Variants in ATXN10 observed in about 807,000 individuals in gnomAD.
ATXN10 encodes the protein ataxin 10.
In ATXN10, 28 loss-of-function variants were observed where a neutral mutation model predicts 52.9. The observed-to-expected ratio is 0.53, with a 90% CI of 0.39 to 0.73. The LOEUF is 0.73. ATXN10 is among the 30% of genes least tolerant of loss of function. ATXN10 has a pLI of 0.00. For missense variants in ATXN10, 565 were observed against 577.0 expected (o/e 0.98, Z 0.21); for synonymous variants, 226 against 221.5 (o/e 1.02, Z -0.18).
At chr22:45,739,690 C>A (rs964831619) in intron 8 of ATXN10, among the ~76,000 whole-genome samples, 1 of 152,168 alleles carries the variant, frequency 6.6e-6, no homozygotes. Context: ...CTTTTCTGAG[C>A]CTGTTGTTTT....
chr22:45,805,534 T>G lies in ATXN10; in HGVS notation c.1174-1425T>G, dbSNP rs1447958916. On this transcript the variant is annotated intron_variant, in intron 9 of 11. Coordinates refer to ENST00000252934, the MANE Select transcript of ATXN10 (RefSeq NM_013236.4). This position sits in a 1 kb window ranked among gnomAD's most constrained non-coding sequence, Gnocchi z 4.4. ...CACGTTACTCAGCCGTGAAAAGAAATGAAGCGCTGACATGCCACAACATGG... is the reference window on the plus strand; with the variant it reads ...CACGTTACTCAGCCGTGAAAAGAAAGGAAGCGCTGACATGCCACAACATGG... Among the ~76,000 whole-genome samples the G allele has an allele frequency of 6.6e-6, 1 of 152,138 alleles. No homozygotes were observed. Among genetic ancestry groups the G allele is most frequent in the Non-Finnish European group, 1.5e-5 (1 of 68,024 alleles).
At position 45,770,190 on chromosome 22, in the gene ATXN10, CCAAA is replaced by C. The variant is rs772717968; in HGVS notation, c.1173+29656_1173+29659del. ...GGAACCAAAGTCAAAAGTAATTTGC[CCAAA>C]CAATTTACAGCAAATATGATTGAAA... On this transcript the variant is annotated intron_variant, in intron 9 of 11. Coordinates refer to ENST00000252934, the MANE Select transcript of ATXN10 (RefSeq NM_013236.4). The surrounding 1 kb of genome is among the most constrained non-coding windows in gnomAD (Gnocchi z 4.5). 3.1e-4 allele frequency among the ~76,000 whole-genome samples: 47 copies of C among 152,124 alleles called. No homozygotes were observed. Among genetic ancestry groups the C allele is most frequent in the Non-Finnish European group, 5.1e-4 (35 of 68,024 alleles).
rs572338494 is a variant in ATXN10, at chr22:45,696,125, G to A, written c.391+3047G>A. 1.7e-4 allele frequency among the ~76,000 whole-genome samples: 26 copies of A among 152,264 alleles called. 1 individual carries two copies. Among genetic ancestry groups the A allele is most frequent in the Non-Finnish European group, 3.5e-4 (24 of 68,026 alleles). ...AATAATCTCAAGAAATTGAAAGGATGTAGGATTTAGTTGTGAAATGTTTTT... is the reference window on the plus strand; with the variant it reads ...AATAATCTCAAGAAATTGAAAGGATATAGGATTTAGTTGTGAAATGTTTTT... On this transcript the variant is annotated intron_variant, in intron 3 of 11. Transcript: ENST00000252934. The surrounding 1 kb of genome is among the most constrained non-coding windows in gnomAD (Gnocchi z 4.7).
chr22:45,780,276 G>T lies in ATXN10; in HGVS notation c.1174-26683G>T, dbSNP rs545292616. ...TTTTTGTATTTTTAGTAGAGATAGG[G>T]TTTCACCATGGTGGCCAGGCTGGTC... is the stretch of plus-strand genomic sequence containing the variant. On this transcript the variant is annotated intron_variant, in intron 9 of 11. Coordinates refer to ENST00000252934, the MANE Select transcript of ATXN10 (RefSeq NM_013236.4). The surrounding 1 kb of genome is among the most constrained non-coding windows in gnomAD (Gnocchi z 4.0). 2.3e-4 allele frequency among the ~76,000 whole-genome samples: 35 copies of T among 152,256 alleles called. No homozygotes were observed. The highest frequency in any genetic ancestry group is 8.4e-4 in the African/African-American group (35 of 41,540).
At chr22:45,702,934 T>C in intron 5 of ATXN10, 87 bp downstream of exon 5, 1 of 1,505,026 alleles carries the variant, frequency 6.6e-7, no homozygotes, top group Non-Finnish European at 9.2e-7. Flanking sequence ...AATTTGGACA[T>C]TGTGATAATT....
rs117632717 is a variant in ATXN10 at position 45,831,695 on chromosome 22, G to A, written c.1238-11296G>A. Among the ~76,000 whole-genome samples, 9 of 152,352 alleles carry A rather than the reference G, an allele frequency of 5.9e-5. No individual in the cohort carries two copies. In the East Asian group the frequency reaches 1.5e-3, roughly 26 times the overall value. ...CTAGGGCCACCAGCTGTTCGGCAGT[G>A]GAACAGCAATGCAATTTGAACCTCA... On this transcript the variant is annotated intron_variant, in intron 10 of 11. Transcript: ENST00000252934.
In ATXN10 at chr22:45,750,384, C is replaced by T. The variant is rs1227008981; in HGVS notation, c.1173+9846C>T. On this transcript the variant is annotated intron_variant, in intron 9 of 11. Coordinates refer to ENST00000252934, the MANE Select transcript of ATXN10 (RefSeq NM_013236.4). The surrounding 1 kb of genome is among the most constrained non-coding windows in gnomAD (Gnocchi z 4.2). ...GTGCTAGGATTACAGGTGTGAGTCA[C>T]CACGCCCGGCCGACAACAGTGATTT... is the stretch of plus-strand genomic sequence containing the variant. Among the ~76,000 whole-genome samples, 9 of 152,124 alleles carry T rather than the reference C, an allele frequency of 5.9e-5. No homozygotes were observed. The highest frequency in any genetic ancestry group is 5.9e-4 in the Admixed American group (9 of 15,276).
chr22:45,801,919 G>A (rs1927943779), intron 9 of ATXN10, among the ~76,000 whole-genome samples: 1 of 152,140 alleles, frequency 6.6e-6, no homozygotes, highest in African/African-American at 2.4e-5. Context: ...GGTGGGTATG[G>A]CCCTCTTGTT....
rs950876050 is a variant in ATXN10, at chr22:45,762,547, G to A, written c.1173+22009G>A. 2.0e-5 allele frequency among the ~76,000 whole-genome samples: 3 copies of A among 152,150 alleles called. No individual in the cohort carries two copies. Among genetic ancestry groups the A allele is most frequent in the East Asian group, 3.9e-4 (2 of 5,172 alleles). ...GAGGCTCCCAGGCATGCTCCTGTCT[G>A]GCCAGGGTGCTTCCTCCTCGCTCTC... is the stretch of plus-strand genomic sequence containing the variant. On this transcript the variant is annotated intron_variant, in intron 9 of 11. Coordinates refer to ENST00000252934, the MANE Select transcript of ATXN10 (RefSeq NM_013236.4). This position sits in a 1 kb window ranked among gnomAD's most constrained non-coding sequence, Gnocchi z 4.3.
intron 9 of ATXN10, among the ~76,000 whole-genome samples, chr22:45,743,465 A>G (rs1328161959): frequency 6.6e-6 from 1 of 152,150 alleles, no homozygotes; most frequent in Non-Finnish European, 1.5e-5. Context: ...TCGCACTCAG[A>G]TGACTTTGGT....
At chr22:45,807,739 C>T (rs181953525) in intron 10 of ATXN10, among the ~76,000 whole-genome samples, 15 of 152,318 alleles carry the variant, frequency 9.8e-5, no homozygotes, top group African/African-American at 3.6e-4. Flanking sequence ...TTTAATTTCA[C>T]GAACTTCCCT....
chr22:45,753,078 A>G (rs1926042673), intron 9 of ATXN10, among the ~76,000 whole-genome samples: 4 of 152,064 alleles, frequency 2.6e-5, no homozygotes, highest in Non-Finnish European at 4.4e-5. Flanking sequence ...GTCTTGAGTC[A>G]TTTAAGACAC....
chr22:45,746,064 GATT>G (rs949838530), intron 9 of ATXN10, among the ~76,000 whole-genome samples: 33 of 151,870 alleles, frequency 2.2e-4, no homozygotes, highest in African/African-American at 7.7e-4. Context: ...ATATATTTTA[GATT>G]ATAAGAACAT....
intron 3 of ATXN10, among the ~76,000 whole-genome samples, chr22:45,699,537 G>A (rs1482169194): frequency 7.1e-6 from 1 of 141,558 alleles, no homozygotes; most frequent in East Asian, 2.0e-4. Context: ...TGTCTCCCCG[G>A]CTGGATGCAG....
intron 1 of ATXN10, chr22:45,680,014 G>T (rs928680879): frequency 1.3e-5 from 2 of 152,200 alleles, no homozygotes; most frequent in Non-Finnish European, 2.9e-5. Flanking sequence ...CCAGTCTTTT[G>T]TAGTGGTCAC....
intron 10 of ATXN10, among the ~76,000 whole-genome samples, chr22:45,813,157 T>C (rs1490374140): frequency 6.6e-6 from 1 of 152,210 alleles, no homozygotes; most frequent in East Asian, 1.9e-4. Flanking sequence ...CAGTAGCCAA[T>C]GCCATCGGAA....
Position 45,770,683 on chromosome 22 carries a change from T to A in ATXN10, c.1173+30145T>A, listed in dbSNP as rs762594255. ...CGGCCTGTCTGAGGCAACAAACTTG[T>A]AAGCATGATAGCTCACTGCAGCTGG... On this transcript the variant is annotated intron_variant, in intron 9 of 11. Coordinates refer to ENST00000252934, the MANE Select transcript of ATXN10 (RefSeq NM_013236.4). This position sits in a 1 kb window ranked among gnomAD's most constrained non-coding sequence, Gnocchi z 4.5. Among the ~76,000 whole-genome samples, 17 of 152,180 alleles carry A rather than the reference T, an allele frequency of 1.1e-4. No homozygotes were observed. The highest frequency in any genetic ancestry group is 2.2e-4 in the Non-Finnish European group (15 of 68,028).
chr22:45,671,940 C>A lies in ATXN10; in HGVS notation c.-124C>A. On this transcript the variant is annotated 5_prime_UTR_variant, in exon 1 of 12. It adds an upstream start codon to the 5' untranslated region. Coordinates refer to ENST00000252934, the MANE Select transcript of ATXN10 (RefSeq NM_013236.4). ...GCTGCAGCGGCGGCGGCGGTTAGGG[C>A]TGTGTAGGGCGAGGCCTCCCCCTTC... 4 of 1,112,528 alleles carry A rather than the reference C, an allele frequency of 3.6e-6. No homozygotes were observed. The highest frequency in any genetic ancestry group is 3.8e-6 in the Non-Finnish European group (3 of 786,858). 68.9% of individuals were successfully genotyped at this position (1,112,528 alleles called of 1,614,324 possible). A position where few individuals can be genotyped will look rare whatever the true frequency, so the allele number is the denominator to read the frequency against.
chr22:45,725,861 A>G (rs1924848520), intron 6 of ATXN10, among the ~76,000 whole-genome samples: 1 of 152,140 alleles, frequency 6.6e-6, no homozygotes, highest in South Asian at 2.1e-4. Flanking sequence ...GATTTTTATC[A>G]TAAAGGGATG....
Sources: gnomAD v4.1 joint callset for allele counts (sites outside exome capture counted in the v4.1 genomes callset) on GRCh38, gnomAD v4.1.1 for gene constraint, Gnocchi (gnomAD v3.1) non-coding constraint, MANE v1.5 for transcripts, NCBI Gene and HGNC (gene_info 2026-07-23, HGNC 2026-07-21) for gene names.